Variants in EFCAB9 observed in about 807,000 individuals in gnomAD.
EFCAB9 encodes the protein EF-hand calcium binding domain 9, also known as EF-hand calcium-binding domain-containing protein 9.
Under a neutral mutation model 15.6 loss-of-function variants are expected in EFCAB9, and 16 were observed. The ratio of observed to expected loss-of-function variants is 1.03; its 90% CI spans 0.69 to 1.56. The LOEUF is 1.56. Among genes scored for constraint, EFCAB9 ranks in the 40% most tolerant of loss-of-function variants. The pLI is 0.00. For synonymous variants in EFCAB9, 76 were observed against 85.4 expected, an observed-to-expected ratio of 0.89 and a Z score of 0.61; for missense variants, 208 against 235.4, an observed-to-expected ratio of 0.88 and a Z score of 0.76.
chr5:172,201,406 G>A (rs541417575), intron 3 of EFCAB9, among the ~76,000 whole-genome samples: 15 of 152,148 alleles, frequency 9.9e-5, no homozygotes, highest in Admixed American at 2.0e-4. Flanking sequence ...AATTAGCCAG[G>A]CGTGGTGGCA....
chr5:172,199,618 A>G (rs962325922), intron 2 of EFCAB9, 87 bp downstream of exon 2: 3 of 1,469,844 alleles, frequency 2.0e-6, no homozygotes, highest in African/African-American at 1.4e-5. Context: ...CTTTCACTAA[A>G]AAGAGGAAGA....
In EFCAB9 at chr5:172,200,735, G is replaced by T. The variant is rs1008265496; in HGVS notation, c.455G>T (p.Gly152Val). 1.3e-6 allele frequency: 2 copies of T among 1,536,648 alleles called. No individual in the cohort carries two copies. Among genetic ancestry groups the T allele is most frequent in the Non-Finnish European group, 1.7e-6 (2 of 1,146,488 alleles). The change falls in exon 3 of 4, where the codon GGT becomes GTT. Residue 152 changes from glycine to valine, a missense_variant. Coordinates refer to ENST00000398186, the MANE Select transcript of EFCAB9 (RefSeq NM_001171183.2). The stretch of plus-strand genomic sequence containing the variant: ...CTCTTCCGTGACTTTGACATTACAG[G>T]TGACAATGTAAGTACAGATCCAAAA... ...KDLFRDFDITGDNRLNYQEFK... is the reference protein window; with the variant it reads ...KDLFRDFDITVDNRLNYQEFK...
rs369603618 is a variant in EFCAB9, at chr5:172,198,325, A to G, written c.137-1058A>G. On this transcript the variant is annotated intron_variant, in intron 1 of 3. Coordinates refer to ENST00000398186, the MANE Select transcript of EFCAB9 (RefSeq NM_001171183.2). ...GGAGTTCGAGACGAGTCTGGGCAAC[A>G]TAAGGAGACCCCATCTCTACAAAAA... is the stretch of plus-strand genomic sequence containing the variant. 2.6e-4 allele frequency among the ~76,000 whole-genome samples: 40 copies of G among 152,242 alleles called. 1 individual carries two copies. In the South Asian group the frequency reaches 6.6e-3, roughly 25 times the overall value.
chr5:172,200,825 G>C, intron 3 of EFCAB9, 83 bp downstream of exon 3: 1 of 1,329,288 alleles, frequency 7.5e-7, no homozygotes, highest in Non-Finnish European at 1.0e-6. Flanking sequence ...ATATAGGAGA[G>C]ATGGGAGAGG....
At chr5:172,201,050 T>C (rs35796022) in intron 3 of EFCAB9, among the ~76,000 whole-genome samples, 25,218 of 151,908 alleles carry the variant, frequency 0.17, 2,101 homozygotes, top group Middle Eastern at 0.24. Context: ...CTGGCTAACA[T>C]TGTGAAACCC....
chr5:172,201,478 C>T (rs1208145117), intron 3 of EFCAB9, among the ~76,000 whole-genome samples: 1 of 151,976 alleles, frequency 6.6e-6, no homozygotes. Context: ...ATCCGGGAGG[C>T]GGAGGTTGCA....
At chr5:172,202,028 C>T (rs143691767) in intron 3 of EFCAB9, among the ~76,000 whole-genome samples, 66 of 152,202 alleles carry the variant, frequency 4.3e-4, no homozygotes, top group South Asian at 1.5e-3. Context: ...AAAGTAATTG[C>T]GGTTTTTGCC....
At chr5:172,198,765 G>A (rs1294094203) in intron 1 of EFCAB9, among the ~76,000 whole-genome samples, 2 of 150,308 alleles carry the variant, frequency 1.3e-5, no homozygotes, top group South Asian at 2.3e-4. Context: ...ACAGGTGTGT[G>A]CCACCACGCC....
chr5:172,195,191 T>TAAATAAATAAATAAATAA (rs1771140177), intron 1 of EFCAB9, among the ~76,000 whole-genome samples: 1 of 148,914 alleles, frequency 6.7e-6, no homozygotes, highest in African/African-American at 2.5e-5. Flanking sequence ...TAAAAATAAA[T>TAAATAAATAAATAAATAA]AAATAAATAA....
chr5:172,195,846 C>T (rs1771152559), intron 1 of EFCAB9, among the ~76,000 whole-genome samples: 2 of 152,130 alleles, frequency 1.3e-5, no homozygotes, highest in South Asian at 4.2e-4. Flanking sequence ...CTCGCTCTGT[C>T]GCCCAGAAGT....
At chr5:172,196,932 AC>A (rs1223168243) in intron 1 of EFCAB9, among the ~76,000 whole-genome samples, 2 of 152,276 alleles carry the variant, frequency 1.3e-5, no homozygotes, top group Admixed American at 6.5e-5. Flanking sequence ...AAAGAAAACA[AC>A]AAAAAACTTC....
Position 172,194,202 on chromosome 5 carries a change from G to A in EFCAB9, c.30G>A (p.Trp10Ter), listed in dbSNP as rs1490499229. MRLKQGSFL[W>*]YLYLDKIYCL... ...GACTGAAGCAAGGATCGTTTCTGTGGTACCTCTATCTGGACAAAATATACT... is the reference window on the plus strand; with the variant it reads ...GACTGAAGCAAGGATCGTTTCTGTGATACCTCTATCTGGACAAAATATACT... Residue 10 changes from tryptophan (W) to a stop codon, truncating the protein, a stop_gained, in exon 1 of 4, where the codon TGG becomes TGA. Coordinates refer to ENST00000398186, the MANE Select transcript of EFCAB9 (RefSeq NM_001171183.2). LOFTEE classifies it high-confidence loss of function. The A allele has an allele frequency of 1.3e-6, 2 of 1,537,516 alleles. No individual in the cohort carries two copies. Among genetic ancestry groups the A allele is most frequent in the South Asian group, 2.4e-5 (2 of 84,058 alleles).
At chr5:172,195,451 T>C (rs946082499) in intron 1 of EFCAB9, among the ~76,000 whole-genome samples, 2 of 152,212 alleles carry the variant, frequency 1.3e-5, no homozygotes, top group African/African-American at 4.8e-5. Flanking sequence ...TACATAGAGA[T>C]TTATGTACAG....
intron 1 of EFCAB9, among the ~76,000 whole-genome samples, chr5:172,195,359 G>A (rs1475686441): frequency 6.6e-6 from 1 of 152,108 alleles, no homozygotes; most frequent in Non-Finnish European, 1.5e-5. Flanking sequence ...TCATCCGTGA[G>A]TAAGGGGTTC....
chr5:172,201,037 A>T (rs1248205627), intron 3 of EFCAB9, among the ~76,000 whole-genome samples: 1 of 152,044 alleles, frequency 6.6e-6, no homozygotes. Flanking sequence ...GTTTGAGACT[A>T]GCCTGGCTAA....
At chr5:172,194,796 G>T (rs1229465182) in intron 1 of EFCAB9, among the ~76,000 whole-genome samples, 1 of 152,124 alleles carries the variant, frequency 6.6e-6, no homozygotes, top group African/African-American at 2.4e-5. Context: ...GAAAATTGCA[G>T]ACTCTGGTGG....
chr5:172,203,149 C>T (rs1308673251), intron 3 of EFCAB9, 65 bp from the exon 4 acceptor site: 1 of 1,372,746 alleles, frequency 7.3e-7, no homozygotes, highest in South Asian at 1.4e-5. Context: ...ATAATCCTAT[C>T]ATCTGAAACA....
intron 2 of EFCAB9, 60 bp downstream of exon 2, chr5:172,199,591 C>T: frequency 6.6e-7 from 1 of 1,508,238 alleles, no homozygotes; most frequent in Non-Finnish European, 8.8e-7. Context: ...ATTAGGAATG[C>T]ATCAGAAGTT....
rs1771221622 is a variant in EFCAB9 at position 172,199,529 on chromosome 5, C to T, written c.283C>T (p.Gln95Ter). The change falls in exon 2 of 4, where the codon CAG (glutamine) becomes TAG (stop). Residue 95 changes from glutamine (Q) to a stop codon, truncating the protein, a stop_gained and splice_region_variant. Coordinates refer to ENST00000398186, the MANE Select transcript of EFCAB9 (RefSeq NM_001171183.2). LOFTEE classifies it high-confidence loss of function. ...YMLVCMLLAH[Q>*]NHLEGQFMYR... is the part of the protein sequence containing the mutation. ...GCTGGTGTGCATGCTGCTGGCCCAC[C>T]AGGCAAGTAGCCGCGCGGCTGCTGC... 4 of 1,536,958 alleles carry T rather than the reference C, an allele frequency of 2.6e-6. No homozygotes were observed. In the South Asian group the frequency reaches 3.6e-5, roughly 14 times the overall value.
Sources: gnomAD v4.1 joint callset for allele counts (sites outside exome capture counted in the v4.1 genomes callset) on GRCh38, gnomAD v4.1.1 for gene constraint, MANE v1.5 for transcripts, NCBI Gene and HGNC (gene_info 2026-07-23, HGNC 2026-07-21) for gene names.